The following ANXA8 variants were observed in gnomAD, a reference collection of about 807,000 sequenced individuals.
The protein encoded by ANXA8 is VAC-beta.
In ANXA8, 9 loss-of-function variants were observed where a neutral mutation model predicts 26.8. That is an observed-to-expected ratio of 0.34 (90% CI 0.20 to 0.59). The LOEUF (loss-of-function observed/expected upper bound fraction) is 0.59. Ranked by LOEUF, ANXA8 falls within the 20% of genes least tolerant of loss-of-function variation. ANXA8 has a pLI of 0.84. For synonymous variants in ANXA8, 39 were observed against 94.8 expected (o/e 0.41, Z 3.42); for missense variants, 83 against 238.5 (o/e 0.35, Z 4.29).
At chr10:47,664,534 C>T in the ANXA8 span, among the ~76,000 whole-genome samples, 1 of 151,324 alleles carries the variant, frequency 6.6e-6, no homozygotes, top group Non-Finnish European at 1.5e-5. Flanking sequence ...CGCCACTGCA[C>T]TCCAGCCTGG....
the ANXA8 span, among the ~76,000 whole-genome samples, chr10:47,622,161 C>A: frequency 3.1e-4 from 35 of 112,904 alleles, 2 homozygotes; most frequent in East Asian, 6.7e-3. Flanking sequence ...CTACATGATT[C>A]TGGGAAGCAG....
At chr10:47,596,613 A>T in the ANXA8 span, among the ~76,000 whole-genome samples, 1 of 144,256 alleles carries the variant, frequency 6.9e-6, no homozygotes, top group African/African-American at 2.7e-5. Flanking sequence ...TCCCACGGAG[A>T]TTCAAAAGAT....
the ANXA8 span, among the ~76,000 whole-genome samples, chr10:47,691,452 C>T: frequency 2.1e-5 from 3 of 143,282 alleles, no homozygotes; most frequent in Non-Finnish European, 4.5e-5. Context: ...CTCAGCTCTG[C>T]CCCTTCTTTC....
At chr10:47,486,361 T>C (rs1160842967), upstream of ANXA8, among the ~76,000 whole-genome samples, 1 of 144,012 alleles carries the variant, frequency 6.9e-6, no homozygotes, top group Non-Finnish European at 1.5e-5. Flanking sequence ...TAGCATGTCT[T>C]GAAGCACTGA....
chr10:47,643,515 C>A, the ANXA8 span, among the ~76,000 whole-genome samples: 16 of 147,902 alleles, frequency 1.1e-4, 1 homozygote, highest in African/African-American at 4.0e-4. Flanking sequence ...GGTGACAGAG[C>A]GAGACTCCAT....
the ANXA8 span, among the ~76,000 whole-genome samples, chr10:47,952,480 A>G: frequency 6.7e-6 from 1 of 149,842 alleles, no homozygotes; most frequent in Non-Finnish European, 1.5e-5. Flanking sequence ...AATTTGGAAG[A>G]TTAAATTATA....
chr10:47,979,534 C>T, the ANXA8 span, among the ~76,000 whole-genome samples: 2 of 151,528 alleles, frequency 1.3e-5, no homozygotes, highest in African/African-American at 4.8e-5. Context: ...CAGAGATTAC[C>T]CTGGATTGTT....
the ANXA8 span, among the ~76,000 whole-genome samples, chr10:47,556,317 A>G: frequency 6.6e-6 from 1 of 151,954 alleles, no homozygotes; most frequent in East Asian, 1.9e-4. Flanking sequence ...ACTTGTAAGT[A>G]ATTTACATGA....
the ANXA8 span, among the ~76,000 whole-genome samples, chr10:47,665,390 T>C: frequency 6.6e-6 from 1 of 151,066 alleles, no homozygotes; most frequent in East Asian, 1.9e-4. Context: ...GTACACTTTA[T>C]TGTTCTTGGT....
chr10:47,607,467 G>T, the ANXA8 span, among the ~76,000 whole-genome samples: 1 of 150,452 alleles, frequency 6.6e-6, no homozygotes, highest in South Asian at 2.1e-4. Context: ...ATTACATTCT[G>T]TATGACAGAA....
the ANXA8 span, among the ~76,000 whole-genome samples, chr10:47,901,838 GA>G: frequency 1.7e-4 from 25 of 151,042 alleles, no homozygotes; most frequent in African/African-American, 5.8e-4. Flanking sequence ...AAGAAGCCAA[GA>G]ACAAACTTGT....
the ANXA8 span, among the ~76,000 whole-genome samples, chr10:47,669,501 T>G: frequency 6.6e-6 from 1 of 151,734 alleles, no homozygotes; most frequent in Admixed American, 6.6e-5. Context: ...GGTAGACTCC[T>G]TGCATCTGGG....
the ANXA8 span, among the ~76,000 whole-genome samples, chr10:47,517,116 GAAGAAACA>G: frequency 1.2e-5 from 1 of 86,796 alleles, no homozygotes; most frequent in South Asian, 4.1e-4. Context: ...GCTACAATTG[GAAGAAACA>G]CAGGGAGAAA....
the ANXA8 span, among the ~76,000 whole-genome samples, chr10:47,525,063 C>CAT: frequency 1.5e-5 from 1 of 64,596 alleles, no homozygotes; most frequent in African/African-American, 8.4e-5. Context: ...ATGGTGGCCG[C>CAT]ACAGAGAGTG....
the ANXA8 span, among the ~76,000 whole-genome samples, chr10:47,551,243 T>C: frequency 0.028 from 4,217 of 151,630 alleles, 206 homozygotes; most frequent in African/African-American, 0.098. Context: ...GGTTGTATGA[T>C]TGGAGGTAAC....
chr10:47,985,913 C>T, the ANXA8 span: 3 of 147,798 alleles, frequency 2.0e-5, no homozygotes, highest in Admixed American at 6.8e-5. Flanking sequence ...TAGGGGGCAT[C>T]AATAGTTCAT....
the ANXA8 span, among the ~76,000 whole-genome samples, chr10:47,586,392 C>G: frequency 3.4e-5 from 5 of 146,044 alleles, 1 homozygote; most frequent in African/African-American, 8.4e-5. Context: ...ATTACCACTT[C>G]CTTGTGCTGG....
chr10:47,614,406 A>T, the ANXA8 span, among the ~76,000 whole-genome samples: 2 of 74,514 alleles, frequency 2.7e-5, 1 homozygote, highest in Non-Finnish European at 6.9e-5. Context: ...TTGACAAAAT[A>T]AAAGGTCCTT....
upstream of ANXA8, among the ~76,000 whole-genome samples, chr10:47,485,215 T>A (rs1319210967): frequency 1.3e-5 from 2 of 152,110 alleles, no homozygotes; most frequent in African/African-American, 4.8e-5. Flanking sequence ...CATTTTAGGA[T>A]GTTTCTAATC....
Sources: gnomAD v4.1 joint callset for allele counts (sites outside exome capture counted in the v4.1 genomes callset) on GRCh38, gnomAD v4.1.1 for gene constraint, MANE v1.5 for transcripts, NCBI Gene and HGNC (gene_info 2026-07-23, HGNC 2026-07-21) for gene names.